DCDC2: variants seen among roughly 807,000 people sequenced by gnomAD.
DCDC2 encodes doublecortin domain containing 2.
A neutral mutation model predicts 50.2 loss-of-function variants in DCDC2; 40 were observed. The ratio of observed to expected loss-of-function variants is 0.80; its 90% CI spans 0.62 to 1.04. The LOEUF (loss-of-function observed/expected upper bound fraction) is 1.04, where lower values mean the gene tolerates loss of function less well. Ranked by LOEUF, DCDC2 falls within the 50% of genes least tolerant of loss-of-function variation. The probability of loss-of-function intolerance (pLI) is 0.00; values close to 1 mark genes in which losing one functional copy is unlikely to be tolerated. For synonymous variants in DCDC2, 234 were observed against 210.6 expected, an observed-to-expected ratio of 1.11 and a Z score of -0.96; for missense variants, 570 against 581.9, an observed-to-expected ratio of 0.98 and a Z score of 0.21.
chr6:24,366,918 CA>C, the DCDC2 span, among the ~76,000 whole-genome samples: 1 of 151,952 alleles, frequency 6.6e-6, no homozygotes, highest in Non-Finnish European at 1.5e-5. Context: ...TAGCTCACTG[CA>C]ACTTCTAGGC....
At chr6:24,263,442 A>G (rs965844542) in intron 7 of DCDC2, among the ~76,000 whole-genome samples, 2 of 152,212 alleles carry the variant, frequency 1.3e-5, no homozygotes, top group Non-Finnish European at 2.9e-5. Flanking sequence ...TTGACCTTTC[A>G]GAGAATTCAA....
intron 7 of DCDC2, among the ~76,000 whole-genome samples, chr6:24,271,271 G>T (rs73394076): frequency 0.036 from 5,187 of 145,902 alleles, 282 homozygotes; most frequent in African/African-American, 0.12. Flanking sequence ...AAAAGAGAAA[G>T]GTTCAACCTG....
chr6:24,347,977 C>CCAGTCTT (rs1246570600), intron 2 of DCDC2, among the ~76,000 whole-genome samples: 1 of 152,102 alleles, frequency 6.6e-6, no homozygotes, highest in Non-Finnish European at 1.5e-5. Flanking sequence ...TAAACAATTC[C>CCAGTCTT]CAGTCTTCAG....
chr6:24,357,958 G>T lies in DCDC2; in HGVS notation c.-208C>A, dbSNP rs531670326. 4 of 1,493,188 alleles carry T rather than the reference G, an allele frequency of 2.7e-6. No individual in the cohort carries two copies. The South Asian group carries it at 5.5e-5, about 21-fold the overall frequency. 92.5% of individuals were successfully genotyped at this position (1,493,188 alleles called of 1,614,324 possible). A position where few individuals can be genotyped will look rare whatever the true frequency, so the allele number is the denominator to read the frequency against. On this transcript the variant is annotated 5_prime_UTR_variant, in exon 1 of 10. Transcript: ENST00000378454. Reference sequence around the variant, plus strand: ...GGAGCTTGCAGGACTCGGAGTAGACGCTCAAGTTTTTCACCGTGGCGTGCA... The same window carrying T: ...GGAGCTTGCAGGACTCGGAGTAGACTCTCAAGTTTTTCACCGTGGCGTGCA...
At chr6:24,233,123 C>G (rs1363658272) in intron 7 of DCDC2, among the ~76,000 whole-genome samples, 1 of 152,132 alleles carries the variant, frequency 6.6e-6, no homozygotes, top group Non-Finnish European at 1.5e-5. Context: ...TCACAAAGTT[C>G]TAATAAAATA....
intron 8 of DCDC2, among the ~76,000 whole-genome samples, chr6:24,204,136 G>T (rs992919129): frequency 6.6e-6 from 1 of 151,930 alleles, no homozygotes; most frequent in Non-Finnish European, 1.5e-5. Context: ...CTCATTACTG[G>T]GTATATACCT....
chr6:24,332,800 AACAC>A (rs973240334), intron 2 of DCDC2, among the ~76,000 whole-genome samples: 1 of 151,996 alleles, frequency 6.6e-6, no homozygotes, highest in African/African-American at 2.4e-5. Context: ...TAAATACACA[AACAC>A]ACACACACAT....
At chr6:24,362,265 TTTTA>T (rs1760677492), upstream of DCDC2, among the ~76,000 whole-genome samples, 1 of 149,386 alleles carries the variant, frequency 6.7e-6, no homozygotes, top group Non-Finnish European at 1.5e-5. Context: ...TACAATTATT[TTTTA>T]TTTAATTGTA....
chr6:24,213,688 T>A (rs1761923523), intron 7 of DCDC2, among the ~76,000 whole-genome samples: 1 of 152,114 alleles, frequency 6.6e-6, no homozygotes, highest in Non-Finnish European at 1.5e-5. Flanking sequence ...AAAGAAAGCA[T>A]TTCCAGAAAG....
At chr6:24,285,269 T>C (rs1242068870) in intron 6 of DCDC2, among the ~76,000 whole-genome samples, 1 of 152,214 alleles carries the variant, frequency 6.6e-6, no homozygotes. Context: ...AGTCATAGCA[T>C]GGAACTACGT....
At chr6:24,274,605 C>CAAAAAAAAAAAAAAAAAAAAAGAA (rs1763308630) in intron 7 of DCDC2, among the ~76,000 whole-genome samples, 1 of 82,404 alleles carries the variant, frequency 1.2e-5, no homozygotes, top group African/African-American at 4.6e-5. Context: ...GAAACAGAGT[C>CAAAAAAAAAAAAAAAAAAAAAGAA]AAAAAAAAAA....
upstream of DCDC2, among the ~76,000 whole-genome samples, chr6:24,359,517 T>C (rs1373704292): frequency 9.5e-6 from 1 of 104,908 alleles, no homozygotes; most frequent in Non-Finnish European, 1.8e-5. Context: ...ATATATTATA[T>C]ATATTTTATA....
Position 24,173,021 on chromosome 6 carries a change from A to ATAATAATAATAC in DCDC2, c.*1708_*1709insGTATTATTATTA, listed in dbSNP as rs59837095. ...AATAATAATAATAATAATAATAATA[A>ATAATAATAATAC]AGATCAATTGGTCTATTTGCCTACC... On this transcript the variant is annotated 3_prime_UTR_variant, in exon 10 of 10. Transcript: ENST00000378454. 1 of 150,556 alleles carries ATAATAATAATAC rather than the reference A, an allele frequency of 6.6e-6. No individual in the cohort carries two copies. The highest frequency in any genetic ancestry group is 1.5e-5 in the Non-Finnish European group (1 of 67,678). 9.3% of individuals were successfully genotyped at this position (150,556 alleles called of 1,614,324 possible).
chr6:24,239,432 G>A (rs1315515242), intron 7 of DCDC2, among the ~76,000 whole-genome samples: 1 of 152,130 alleles, frequency 6.6e-6, no homozygotes, highest in African/African-American at 2.4e-5. Context: ...GATTCACTCT[G>A]TGATAGGCAC....
At chr6:24,373,096 T>C in the DCDC2 span, among the ~76,000 whole-genome samples, 1 of 152,134 alleles carries the variant, frequency 6.6e-6, no homozygotes, top group South Asian at 2.1e-4. Flanking sequence ...ACAAACCTAG[T>C]TCATCAAGAA....
intron 7 of DCDC2, among the ~76,000 whole-genome samples, chr6:24,212,645 G>C (rs1761896029): frequency 6.6e-6 from 1 of 152,170 alleles, no homozygotes; most frequent in South Asian, 2.1e-4. Context: ...ATTACTACGT[G>C]AAGGATCAAA....
chr6:24,309,209 C>G (rs1462830738), intron 2 of DCDC2, among the ~76,000 whole-genome samples: 1 of 151,728 alleles, frequency 6.6e-6, no homozygotes, highest in East Asian at 1.9e-4. Context: ...CTTGTAATCC[C>G]AGCTACTTGG....
chr6:24,207,219 G>C (rs990147845), intron 7 of DCDC2, among the ~76,000 whole-genome samples: 13 of 149,200 alleles, frequency 8.7e-5, no homozygotes, highest in African/African-American at 3.0e-4. Flanking sequence ...CTAATATTTT[G>C]ACAATTCTTT....
chr6:24,223,406 C>G (rs981327013), intron 7 of DCDC2, among the ~76,000 whole-genome samples: 12 of 152,132 alleles, frequency 7.9e-5, no homozygotes, highest in Middle Eastern at 3.2e-3. Flanking sequence ...CTTTGTGGTT[C>G]CTGCTTCAAA....
Sources: allele counts gnomAD v4.1 joint callset (sites outside exome capture counted in the v4.1 genomes callset), GRCh38; gene constraint gnomAD v4.1.1; transcripts MANE v1.5; gene names NCBI Gene and HGNC (gene_info 2026-07-23, HGNC 2026-07-21).